The following CCDC15 variants were observed in gnomAD, a reference collection of about 807,000 sequenced individuals.
CCDC15 encodes the protein coiled-coil domain containing 15.
CCDC15 carries 105 observed loss-of-function variants against 114.5 expected under a neutral mutation model. The ratio of observed to expected loss-of-function variants is 0.92; its 90% confidence interval spans 0.78 to 1.08. The LOEUF is 1.08. CCDC15 is among the 50% of genes least tolerant of loss of function. The pLI, the probability that CCDC15 is intolerant of heterozygous loss-of-function variation, is 0.00. For missense variants in CCDC15, 1,105 were observed against 1,093.6 expected (o/e 1.01, Z -0.15); for synonymous variants, 334 against 377.8 (o/e 0.88, Z 1.34).
At chr11:124,991,897 G>A (rs986657340) in intron 9 of CCDC15, among the ~76,000 whole-genome samples, 4 of 152,020 alleles carry the variant, frequency 2.6e-5, no homozygotes, top group African/African-American at 7.2e-5. Flanking sequence ...TTGGCCAGGC[G>A]GGTCTCGAAC....
At position 124,998,714 on chromosome 11, in the gene CCDC15, T is replaced by C. The variant is rs185515575; in HGVS notation, c.2215-5153T>C. ...CCTCCAATAATCATACATGTTTTTATGAAAAACTTGAGAGAGTCTCTACTT... is the reference window on the plus strand; with the variant it reads ...CCTCCAATAATCATACATGTTTTTACGAAAAACTTGAGAGAGTCTCTACTT... On this transcript the variant is annotated intron_variant, in intron 11 of 15. Transcript: ENST00000344762. 8.7e-3 allele frequency among the ~76,000 whole-genome samples: 1,323 copies of C among 151,290 alleles called. 7 individuals carry two copies. The highest frequency in any genetic ancestry group is 0.013 in the Non-Finnish European group (850 of 67,844).
At chr11:125,027,750 TA>T (rs1179480552) in intron 13 of CCDC15, among the ~76,000 whole-genome samples, 1 of 152,124 alleles carries the variant, frequency 6.6e-6, no homozygotes, top group African/African-American at 2.4e-5. Context: ...AGGTACCATT[TA>T]TTTTTTTTTT....
At chr11:125,028,357 C>T (rs751954975) in intron 13 of CCDC15, among the ~76,000 whole-genome samples, 1 of 152,028 alleles carries the variant, frequency 6.6e-6, no homozygotes, top group Non-Finnish European at 1.5e-5. Context: ...TTGGCAGTAT[C>T]GTCATTTTAA....
intron 13 of CCDC15, among the ~76,000 whole-genome samples, chr11:125,033,269 G>C (rs1026975064): frequency 1.3e-5 from 2 of 152,174 alleles, no homozygotes; most frequent in Non-Finnish European, 2.9e-5. Flanking sequence ...GAAACACCGT[G>C]ATTAATTAGC....
Position 125,038,586 on chromosome 11 carries a change from G to T in CCDC15, c.2567G>T (p.Arg856Ile). The change falls in exon 14 of 16, where the codon AGA becomes ATA. Residue 856 changes from arginine to isoleucine, a missense_variant. Arg to Ile is a moderately conservative substitution (Grantham distance 97). Transcript: ENST00000344762. ...AAAGGAACCAGAGAAAAACAACAGA[G>T]AGAAAAAGAATACCTGAGGTAATTT... ...EIKGTREKQQ[R>I]EKEYLRYVEA... is the part of the protein sequence containing the mutation. The T allele has an allele frequency of 1.9e-6, 3 of 1,568,516 alleles. No homozygotes were observed. Among genetic ancestry groups the T allele is most frequent in the Non-Finnish European group, 2.6e-6 (3 of 1,160,712 alleles).
chr11:125,031,447 C>A (rs1948738817), intron 13 of CCDC15, among the ~76,000 whole-genome samples: 1 of 152,194 alleles, frequency 6.6e-6, no homozygotes, highest in African/African-American at 2.4e-5. Flanking sequence ...ACATATATAC[C>A]CTTCCATTTG....
intron 11 of CCDC15, among the ~76,000 whole-genome samples, chr11:124,996,675 GACC>G (rs1948376714): frequency 6.6e-6 from 1 of 152,060 alleles, no homozygotes; most frequent in Non-Finnish European, 1.5e-5. Context: ...GTAAAACTGA[GACC>G]ATATACCCGT....
At position 124,965,706 on chromosome 11, in the gene CCDC15, T is replaced by C. The variant is rs569538692; in HGVS notation, c.516+5703T>C. On this transcript the variant is annotated intron_variant, in intron 4 of 15. Coordinates refer to ENST00000344762, the MANE Select transcript of CCDC15 (RefSeq NM_025004.3). ...AGCTTTTGAATTTGTTTTCTCTTGC[T>C]TCTCTAGTTCTTTTAATTGTGATGT... 2.0e-5 allele frequency among the ~76,000 whole-genome samples: 3 copies of C among 152,316 alleles called. No homozygotes were observed. The South Asian group carries it at 6.2e-4, about 32-fold the overall frequency.
intron 13 of CCDC15, among the ~76,000 whole-genome samples, chr11:125,036,575 T>G (rs1226449244): frequency 6.6e-6 from 1 of 152,196 alleles, no homozygotes; most frequent in Non-Finnish European, 1.5e-5. Context: ...TCTTTCGATT[T>G]CCTCCTCAAG....
At chr11:124,955,667 A>G (rs1419021810) in intron 2 of CCDC15, among the ~76,000 whole-genome samples, 1 of 150,736 alleles carries the variant, frequency 6.6e-6, no homozygotes, top group Non-Finnish European at 1.5e-5. Flanking sequence ...TGTGTAGACA[A>G]GGTGCTGAAC....
At chr11:124,984,712 C>T (rs2135477792) in intron 6 of CCDC15, among the ~76,000 whole-genome samples, 1 of 152,248 alleles carries the variant, frequency 6.6e-6, no homozygotes, top group South Asian at 2.1e-4. Flanking sequence ...CAGGTCTCTT[C>T]TCACTTGTTC....
At chr11:125,009,549 T>C (rs1186414640) in intron 13 of CCDC15, among the ~76,000 whole-genome samples, 1 of 152,174 alleles carries the variant, frequency 6.6e-6, no homozygotes, top group Non-Finnish European at 1.5e-5. Flanking sequence ...TGCAAGTTTG[T>C]TACAAGGGTA....
chr11:124,981,827 G>T (rs193275235), intron 6 of CCDC15, among the ~76,000 whole-genome samples: 60 of 152,220 alleles, frequency 3.9e-4, no homozygotes, highest in East Asian at 3.9e-3. Flanking sequence ...CTTCATGTTG[G>T]CCAGGCTGGT....
At chr11:125,030,915 A>G (rs965342719) in intron 13 of CCDC15, among the ~76,000 whole-genome samples, 1 of 152,176 alleles carries the variant, frequency 6.6e-6, no homozygotes, top group African/African-American at 2.4e-5. Flanking sequence ...CCTGTTGGTG[A>G]GCACTCACAT....
At chr11:125,020,868 A>G (rs1948656202) in intron 13 of CCDC15, among the ~76,000 whole-genome samples, 1 of 151,914 alleles carries the variant, frequency 6.6e-6, no homozygotes, top group African/African-American at 2.4e-5. Flanking sequence ...ATCCCTTCTT[A>G]AACTACTATA....
chr11:124,987,433 G>C lies in CCDC15; in HGVS notation c.1207G>C (p.Gly403Arg). The C allele has an allele frequency of 6.2e-7, 1 of 1,613,952 alleles. No individual in the cohort carries two copies. Among genetic ancestry groups the C allele is most frequent in the African/African-American group, 1.3e-5 (1 of 75,038 alleles). Reference sequence around the variant, plus strand: ...AGCCCAGAGTATTGAGCTAGAAGAAGGGAGTATTGTGTTGAAAACCCAGGA... The same window carrying C: ...AGCCCAGAGTATTGAGCTAGAAGAACGGAGTATTGTGTTGAAAACCCAGGA... ...LKAQSIELEEGSIVLKTQDFL... is the reference protein window; with the variant it reads ...LKAQSIELEERSIVLKTQDFL... The change falls in exon 8 of 16, where the codon GGG becomes CGG. Residue 403 changes from glycine (G) to arginine (R), a missense_variant. Coordinates refer to ENST00000344762, the MANE Select transcript of CCDC15 (RefSeq NM_025004.3).
intron 11 of CCDC15, among the ~76,000 whole-genome samples, chr11:124,995,518 A>G (rs556573039): frequency 6.6e-6 from 1 of 152,172 alleles, no homozygotes; most frequent in African/African-American, 2.4e-5. Flanking sequence ...TGAATGTGTT[A>G]GTTGATCAGT....
chr11:124,975,310 G>A (rs925458186), intron 5 of CCDC15, 101 bp downstream of exon 5: 3 of 664,478 alleles, frequency 4.5e-6, no homozygotes, highest in African/African-American at 3.8e-5. Flanking sequence ...AAAATAATTG[G>A]AAATAGCCTT....
In CCDC15 at chr11:125,040,734, A is replaced by G; in HGVS notation, c.*23A>G. On this transcript the variant is annotated 3_prime_UTR_variant, in exon 16 of 16. Coordinates refer to ENST00000344762, the MANE Select transcript of CCDC15 (RefSeq NM_025004.3). ...TAATAAGAATCTGAAATTAACTGGTAGTATTTTGGCTTTTACTTAAAATCA... is the reference window on the plus strand; with the variant it reads ...TAATAAGAATCTGAAATTAACTGGTGGTATTTTGGCTTTTACTTAAAATCA... 1 of 1,604,752 alleles carries G rather than the reference A, an allele frequency of 6.2e-7. No individual in the cohort carries two copies. Among genetic ancestry groups the G allele is most frequent in the Non-Finnish European group, 8.5e-7 (1 of 1,174,528 alleles).
Sources: allele counts gnomAD v4.1 joint callset (sites outside exome capture counted in the v4.1 genomes callset), GRCh38; gene constraint gnomAD v4.1.1; transcripts MANE v1.5; gene names NCBI Gene and HGNC (gene_info 2026-07-23, HGNC 2026-07-21).